LRMDA: variants seen among roughly 807,000 people sequenced by gnomAD.
LRMDA encodes leucine-rich melanocyte differentiation-associated protein.
LRMDA carries 18 observed loss-of-function variants against 29.8 expected under a neutral mutation model. That is an observed-to-expected ratio of 0.60 (90% CI 0.42 to 0.90). The LOEUF (loss-of-function observed/expected upper bound fraction) is 0.90, where lower values mean the gene tolerates loss of function less well. Among genes scored for constraint, LRMDA ranks in the 40% least tolerant of loss-of-function variants. The pLI, the probability that LRMDA is intolerant of heterozygous loss-of-function variation, is 0.00. For synonymous variants in LRMDA, 125 were observed against 109.4 expected (o/e 1.14, Z -0.89); for missense variants, 273 against 273.9 (o/e 1.00, Z 0.02).
At chr10:76,228,298 T>A (rs1851998454) in intron 5 of LRMDA, among the ~76,000 whole-genome samples, 1 of 152,060 alleles carries the variant, frequency 6.6e-6, no homozygotes, top group Non-Finnish European at 1.5e-5. Context: ...AGGTATGAGC[T>A]ACCACGCCCG....
chr10:76,059,475 C>G (rs1273613273), intron 5 of LRMDA, among the ~76,000 whole-genome samples: 2 of 152,186 alleles, frequency 1.3e-5, no homozygotes, highest in Non-Finnish European at 2.9e-5. Context: ...GGATGACTAT[C>G]TCTTTGGGAG....
At chr10:76,147,423 A>G (rs1018309618) in intron 5 of LRMDA, among the ~76,000 whole-genome samples, 1 of 151,736 alleles carries the variant, frequency 6.6e-6, no homozygotes, top group Non-Finnish European at 1.5e-5. Context: ...TTCTCGCTTC[A>G]TTTCATTCAT....
chr10:75,497,124 AG>A (rs1845054653), intron 2 of LRMDA, among the ~76,000 whole-genome samples: 2 of 152,164 alleles, frequency 1.3e-5, no homozygotes, highest in Admixed American at 1.3e-4. Flanking sequence ...TGGTTGAGAT[AG>A]TGATGAGATG....
At chr10:75,755,319 T>A (rs1843018636) in intron 2 of LRMDA, among the ~76,000 whole-genome samples, 1 of 152,246 alleles carries the variant, frequency 6.6e-6, no homozygotes, top group South Asian at 2.1e-4. Context: ...ACTATCTTAT[T>A]ACCATGTCAT....
At chr10:76,113,965 C>G (rs969801147) in intron 5 of LRMDA, among the ~76,000 whole-genome samples, 1 of 152,176 alleles carries the variant, frequency 6.6e-6, no homozygotes, top group Non-Finnish European at 1.5e-5. Context: ...TGAAAAGTTC[C>G]TCGTTTTAAG....
At chr10:76,477,562 A>G (rs1564552526) in intron 6 of LRMDA, among the ~76,000 whole-genome samples, 1 of 152,178 alleles carries the variant, frequency 6.6e-6, no homozygotes, top group Non-Finnish European at 1.5e-5. Context: ...TTTAAAGTTC[A>G]TATGGAACCG....
At chr10:75,713,223 GAATT>G (rs1177522182) in intron 2 of LRMDA, among the ~76,000 whole-genome samples, 7 of 152,164 alleles carry the variant, frequency 4.6e-5, no homozygotes, top group African/African-American at 1.7e-4. Context: ...GGCAAAGAAA[GAATT>G]AATTGGGAGA....
chr10:75,745,894 A>G (rs1040966004), intron 2 of LRMDA, among the ~76,000 whole-genome samples: 8 of 152,208 alleles, frequency 5.3e-5, no homozygotes, highest in African/African-American at 1.9e-4. Context: ...TGGGTTTCAT[A>G]TGATGTGTTA....
chr10:75,476,014 C>G (rs1844787888), intron 2 of LRMDA, among the ~76,000 whole-genome samples: 1 of 152,190 alleles, frequency 6.6e-6, no homozygotes, highest in African/African-American at 2.4e-5. Flanking sequence ...TGAACTTTCA[C>G]AATTTGCAAA....
At chr10:75,549,747 G>A (rs978254900) in intron 2 of LRMDA, among the ~76,000 whole-genome samples, 1 of 152,044 alleles carries the variant, frequency 6.6e-6, no homozygotes, top group Non-Finnish European at 1.5e-5. Flanking sequence ...TAATCAAGAC[G>A]TAACATTTTT....
chr10:75,563,225 G>A (rs1005766623), intron 2 of LRMDA, among the ~76,000 whole-genome samples: 10 of 152,058 alleles, frequency 6.6e-5, no homozygotes, highest in African/African-American at 1.7e-4. Flanking sequence ...GGCTTTATTC[G>A]TTTCTTTTTA....
intron 2 of LRMDA, among the ~76,000 whole-genome samples, chr10:75,692,233 T>A (rs552198781): frequency 1.1e-4 from 15 of 139,440 alleles, no homozygotes; most frequent in African/African-American, 4.0e-4. Context: ...TATATATATA[T>A]ATATATATAT....
At position 75,714,857 on chromosome 10, in the gene LRMDA, C is replaced by CCCTT. The variant is rs752703392; in HGVS notation, c.131+276385_131+276388dup. Among the ~76,000 whole-genome samples, 696 of 131,690 alleles carry CCCTT rather than the reference C, an allele frequency of 5.3e-3. 10 individuals are homozygous for CCCTT. The highest frequency in any genetic ancestry group is 0.018 in the African/African-American group (549 of 31,092). The allele number at this position is 131,690 out of a possible 152,430, so 86.4% of individuals were successfully genotyped here. On this transcript the variant is annotated intron_variant, in intron 2 of 6. Transcript: ENST00000611255. ...TCTTTCCCTCCCTCCCTCCCTCCCT[C>CCCTT]CCTTCCTTCCTTCCTTCCTTCCTTC... is the stretch of plus-strand genomic sequence containing the variant.
chr10:75,605,188 A>G (rs1249734781), intron 2 of LRMDA, among the ~76,000 whole-genome samples: 1 of 152,210 alleles, frequency 6.6e-6, no homozygotes, highest in Non-Finnish European at 1.5e-5. Flanking sequence ...GGGAATATAG[A>G]GACTTGAATT....
chr10:76,348,289 T>C (rs569477614), intron 6 of LRMDA, among the ~76,000 whole-genome samples: 18 of 152,228 alleles, frequency 1.2e-4, no homozygotes, highest in Admixed American at 4.6e-4. Context: ...TGTGCATTGA[T>C]AGCTATCCAT....
chr10:76,531,226 G>A (rs1843230368), intron 6 of LRMDA, among the ~76,000 whole-genome samples: 1 of 152,146 alleles, frequency 6.6e-6, no homozygotes, highest in African/African-American at 2.4e-5. Flanking sequence ...GTCAGGGACT[G>A]TAATTACCTT....
At chr10:76,480,199 T>C (rs866684537) in intron 6 of LRMDA, among the ~76,000 whole-genome samples, 1 of 151,962 alleles carries the variant, frequency 6.6e-6, no homozygotes, top group African/African-American at 2.4e-5. Context: ...TTTCTTTCAT[T>C]CCTTGAATTT....
intron 2 of LRMDA, chr10:75,601,162 G>A (rs1180886538): frequency 6.6e-6 from 1 of 152,190 alleles, no homozygotes. Context: ...CTGTCACGGG[G>A]ACTCTGCGTG....
intron 2 of LRMDA, among the ~76,000 whole-genome samples, chr10:75,525,789 T>C (rs1845407151): frequency 6.6e-6 from 1 of 151,608 alleles, no homozygotes; most frequent in Admixed American, 6.6e-5. Flanking sequence ...CTTAGGGTAT[T>C]TCTTACCAAA....
Sources: allele counts gnomAD v4.1 joint callset (sites outside exome capture counted in the v4.1 genomes callset), GRCh38; gene constraint gnomAD v4.1.1; transcripts MANE v1.5; gene names NCBI Gene and HGNC (gene_info 2026-07-23, HGNC 2026-07-21).